Variants in SYT14 observed in about 807,000 individuals in gnomAD.
SYT14 encodes the protein synaptotagmin 14.
A neutral mutation model predicts 74.2 loss-of-function variants in SYT14; 32 were observed. The ratio of observed to expected loss-of-function variants is 0.43; its 90% CI spans 0.33 to 0.58. The LOEUF is 0.58. SYT14 is among the 20% of genes least tolerant of loss of function. The probability of loss-of-function intolerance (pLI) is 0.05; values close to 1 mark genes in which losing one functional copy is unlikely to be tolerated. For synonymous variants in SYT14, 298 were observed against 337.7 expected (o/e 0.88, Z 1.29); for missense variants, 791 against 981.8 (o/e 0.81, Z 2.60).
At chr1:209,980,968 TTCTAATTC>T (rs1404308735) in intron 2 of SYT14, among the ~76,000 whole-genome samples, 1 of 152,242 alleles carries the variant, frequency 6.6e-6, no homozygotes, top group Non-Finnish European at 1.5e-5. Flanking sequence ...ATAGTTTTTT[TTCTAATTC>T]TGTAAACAAT....
chr1:210,026,850 T>C (rs970770822), intron 5 of SYT14, among the ~76,000 whole-genome samples: 1 of 152,156 alleles, frequency 6.6e-6, no homozygotes, highest in Non-Finnish European at 1.5e-5. Flanking sequence ...AAAAATTGTT[T>C]TATTAATTTT....
At chr1:210,091,860 T>A (rs1336923730) in intron 5 of SYT14, among the ~76,000 whole-genome samples, 3 of 152,174 alleles carry the variant, frequency 2.0e-5, no homozygotes, top group Non-Finnish European at 4.4e-5. Context: ...GATTTAGGAA[T>A]AGACATGTGA....
At chr1:210,078,136 C>T (rs147942391) in intron 5 of SYT14, among the ~76,000 whole-genome samples, 5,043 of 151,682 alleles carry the variant, frequency 0.033, 582 homozygotes, top group Admixed American at 0.23. Flanking sequence ...CGGTGAAACC[C>T]CGTCTCTACT....
At chr1:209,990,128 A>G (rs1216676056) in intron 2 of SYT14, among the ~76,000 whole-genome samples, 1 of 152,176 alleles carries the variant, frequency 6.6e-6, no homozygotes, top group Non-Finnish European at 1.5e-5. Context: ...TATGCCTTAT[A>G]GAACCTCAGC....
At chr1:210,082,617 A>G (rs1037111025) in intron 5 of SYT14, among the ~76,000 whole-genome samples, 1 of 152,306 alleles carries the variant, frequency 6.6e-6, no homozygotes. Context: ...TTATCATCCA[A>G]TATATGCCAA....
chr1:210,135,882 A>G (rs1345725700), intron 7 of SYT14, among the ~76,000 whole-genome samples: 1 of 152,130 alleles, frequency 6.6e-6, no homozygotes, highest in Non-Finnish European at 1.5e-5. Context: ...TGCCCCATAT[A>G]TTATGTTTTC....
chr1:210,043,805 G>A (rs1411824800), intron 5 of SYT14, among the ~76,000 whole-genome samples: 1 of 152,118 alleles, frequency 6.6e-6, no homozygotes, highest in East Asian at 1.9e-4. Flanking sequence ...ATCTGGTCTG[G>A]AGATAGGAAT....
intron 2 of SYT14, among the ~76,000 whole-genome samples, chr1:209,955,292 A>G (rs1372823029): frequency 6.6e-6 from 1 of 152,150 alleles, no homozygotes; most frequent in East Asian, 1.9e-4. Flanking sequence ...CACGTTTAAA[A>G]TGCAAGTCTT....
At chr1:210,165,588 A>T (rs951835815) in exon 10 of SYT14, 8 of 152,148 alleles carry the variant, frequency 5.3e-5, no homozygotes, top group Non-Finnish European at 1.2e-4. Context: ...TATCTCACTC[A>T]TATCAGTGGT....
chr1:210,067,504 A>G (rs1258667311), intron 5 of SYT14, among the ~76,000 whole-genome samples: 3 of 151,868 alleles, frequency 2.0e-5, no homozygotes, highest in Non-Finnish European at 4.4e-5. Flanking sequence ...TGTTTTATTC[A>G]TGTTGTGTCA....
At chr1:209,939,207 T>C (rs2102632975) in intron 1 of SYT14, among the ~76,000 whole-genome samples, 1 of 152,360 alleles carries the variant, frequency 6.6e-6, no homozygotes, top group South Asian at 2.1e-4. Flanking sequence ...TTCCAGGCCC[T>C]GTCTCTTAGA....
intron 7 of SYT14, among the ~76,000 whole-genome samples, chr1:210,101,714 A>G (rs1400090515): frequency 6.6e-6 from 1 of 152,108 alleles, no homozygotes. Flanking sequence ...CGAATTTTTC[A>G]TAAAATTTAA....
At chr1:210,016,732 G>T (rs781648777) in exon 4 of SYT14, 15 of 1,231,714 alleles carry the variant, frequency 1.2e-5, no homozygotes, top group African/African-American at 1.6e-5. Flanking sequence ...AGAATATGGG[G>T]CATTTCAATA....
chr1:209,939,295 A>T (rs2078690953), intron 1 of SYT14, among the ~76,000 whole-genome samples: 1 of 152,196 alleles, frequency 6.6e-6, no homozygotes, highest in Non-Finnish European at 1.5e-5. Context: ...CAAGGTACCT[A>T]TAGCTATATC....
rs377050610 is a variant in SYT14, at chr1:210,059,451, T to TATATATATATAGAGAG, written c.1313-34870_1313-34869insTATATATATAGAGAGA. 1.7e-3 allele frequency among the ~76,000 whole-genome samples: 121 copies of TATATATATATAGAGAG among 69,876 alleles called. 1 individual carries two copies. The highest frequency in any genetic ancestry group is 4.2e-3 in the African/African-American group (54 of 12,724). The allele number at this position is 69,876 out of a possible 152,430, so 45.8% of individuals were successfully genotyped here. ...GAATATATATATATATATATATATA[T>TATATATATATAGAGAG]AGAGAGAGAGAGAGAGAGAGAGAGA... On this transcript the variant is annotated intron_variant, in intron 5 of 9. Coordinates refer to ENST00000637265, the Ensembl canonical transcript of SYT14.
At chr1:209,939,870 T>C (rs1294784374) in intron 1 of SYT14, among the ~76,000 whole-genome samples, 1 of 152,228 alleles carries the variant, frequency 6.6e-6, no homozygotes, top group Non-Finnish European at 1.5e-5. Flanking sequence ...TTCCGTTTTT[T>C]CTTAGTTCTT....
At chr1:210,057,577 A>G (rs772473995) in intron 5 of SYT14, among the ~76,000 whole-genome samples, 1 of 152,226 alleles carries the variant, frequency 6.6e-6, no homozygotes, top group Non-Finnish European at 1.5e-5. Flanking sequence ...TGCAAATTTA[A>G]TAAATCAATA....
At position 210,133,689 on chromosome 1, in the gene SYT14, GCTT is replaced by G. The variant is rs999961794; in HGVS notation, c.2035-22028_2035-22026del. 5.9e-5 allele frequency among the ~76,000 whole-genome samples: 9 copies of G among 152,068 alleles called. 1 individual carries two copies. The highest frequency in any genetic ancestry group is 6.5e-5 in the Admixed American group (1 of 15,268). ...TACTTTCTGAAGTATTATTCCTTTT[GCTT>G]CTTGTGCAAGGTGGAGGTGAATAAA... On this transcript the variant is annotated intron_variant, in intron 7 of 9. Transcript: ENST00000637265.
At chr1:210,071,458 A>G (rs1030108195) in intron 5 of SYT14, among the ~76,000 whole-genome samples, 13 of 151,930 alleles carry the variant, frequency 8.6e-5, no homozygotes, top group African/African-American at 3.1e-4. Context: ...ATTCCTGTGA[A>G]TTGTTATGTC....
Sources: gnomAD v4.1 joint callset for allele counts (sites outside exome capture counted in the v4.1 genomes callset) on GRCh38, gnomAD v4.1.1 for gene constraint, MANE v1.5 for transcripts, NCBI Gene and HGNC (gene_info 2026-07-23, HGNC 2026-07-21) for gene names.